ST6GALNAC3: variants seen among roughly 807,000 people sequenced by gnomAD.
ST6GALNAC3 encodes ST6 N-acetylgalactosaminide alpha-2,6-sialyltransferase 3.
In ST6GALNAC3, 25 loss-of-function variants were observed where a neutral mutation model predicts 32.7. The observed-to-expected ratio is 0.76, with a 90% CI of 0.56 to 1.07. The LOEUF (loss-of-function observed/expected upper bound fraction) is 1.07. Ranked by LOEUF, ST6GALNAC3 falls within the 50% of genes least tolerant of loss-of-function variation. ST6GALNAC3 has a pLI of 0.00. For synonymous variants in ST6GALNAC3, 129 were observed against 133.1 expected, an observed-to-expected ratio of 0.97 and a Z score of 0.21; for missense variants, 355 against 382.4, an observed-to-expected ratio of 0.93 and a Z score of 0.60.
chr1:76,522,698 T>G (rs956038437), intron 3 of ST6GALNAC3, among the ~76,000 whole-genome samples: 2 of 152,220 alleles, frequency 1.3e-5, no homozygotes, highest in Non-Finnish European at 2.9e-5. Flanking sequence ...CTCACAGTTC[T>G]TTTTCTTCCA....
chr1:76,094,869 C>T (rs1165560278), intron 1 of ST6GALNAC3, among the ~76,000 whole-genome samples: 2 of 151,962 alleles, frequency 1.3e-5, no homozygotes, highest in Non-Finnish European at 2.9e-5. Flanking sequence ...ACAGATTCCT[C>T]ACCCCCACCC....
intron 3 of ST6GALNAC3, among the ~76,000 whole-genome samples, chr1:76,541,732 A>C (rs1664005165): frequency 6.6e-6 from 1 of 152,214 alleles, no homozygotes; most frequent in African/African-American, 2.4e-5. Flanking sequence ...AATGAAGCAC[A>C]TGCTGTGTGT....
chr1:76,630,493 T>C lies in ST6GALNAC3; in HGVS notation c.*1687T>C. 1.0e-6 allele frequency: 1 copy of C among 985,104 alleles called. No homozygotes were observed. The highest frequency in any genetic ancestry group is 1.2e-6 in the Non-Finnish European group (1 of 829,816). 61.0% of individuals were successfully genotyped at this position (985,104 alleles called of 1,614,324 possible). The stretch of plus-strand genomic sequence containing the variant: ...GTAAAGGGTTGATTTGCTGCAAGAG[T>C]AGCTGAGAATTCAAAAACATCCTTG... On this transcript the variant is annotated 3_prime_UTR_variant, in exon 5 of 5. Coordinates refer to ENST00000328299, the MANE Select transcript of ST6GALNAC3 (RefSeq NM_152996.4).
chr1:76,296,480 TCTC>T (rs889629184), intron 1 of ST6GALNAC3, among the ~76,000 whole-genome samples: 2 of 152,090 alleles, frequency 1.3e-5, no homozygotes, highest in Non-Finnish European at 2.9e-5. Flanking sequence ...CATCGACCCT[TCTC>T]TTCTTCTATT....
rs5775352 is a variant in ST6GALNAC3, at chr1:76,591,181, A to ATG, written c.624-36253_624-36252dup. On this transcript the variant is annotated intron_variant, in intron 3 of 4. Transcript: ENST00000328299. Reference sequence around the variant, plus strand: ...TAAGAGTTAACCAGGCTGTGTGCGTATGTGTGTGTGTGTGTGTGTCTCTGT... The same window carrying ATG: ...TAAGAGTTAACCAGGCTGTGTGCGTATGTGTGTGTGTGTGTGTGTGTCTCTGT... Among the ~76,000 whole-genome samples, 190 of 149,742 alleles carry ATG rather than the reference A, an allele frequency of 1.3e-3. 1 individual carries two copies. Among genetic ancestry groups the ATG allele is most frequent in the East Asian group, 0.012 (62 of 5,060 alleles).
chr1:76,405,509 G>A (rs116567176), intron 2 of ST6GALNAC3, among the ~76,000 whole-genome samples: 1 of 152,000 alleles, frequency 6.6e-6, no homozygotes, highest in Non-Finnish European at 1.5e-5. Flanking sequence ...AGAAAGGGAT[G>A]GTTTTCCCAG....
intron 1 of ST6GALNAC3, among the ~76,000 whole-genome samples, chr1:76,091,033 G>A (rs1178517491): frequency 6.6e-6 from 1 of 152,118 alleles, no homozygotes; most frequent in Non-Finnish European, 1.5e-5. Context: ...ATGTTTATCA[G>A]AAAACTGTAA....
chr1:76,223,070 T>C (rs1018737260), intron 1 of ST6GALNAC3, among the ~76,000 whole-genome samples: 5 of 152,170 alleles, frequency 3.3e-5, no homozygotes, highest in African/African-American at 9.6e-5. Flanking sequence ...TAAATCATTC[T>C]ACCATAAAGA....
chr1:76,357,469 C>T (rs1004633898), intron 2 of ST6GALNAC3, among the ~76,000 whole-genome samples: 8 of 152,256 alleles, frequency 5.3e-5, no homozygotes, highest in African/African-American at 1.9e-4. Context: ...TTCCAATTTC[C>T]TTCCTTGTTG....
At chr1:76,227,450 C>T (rs1232461681) in intron 1 of ST6GALNAC3, among the ~76,000 whole-genome samples, 7 of 152,154 alleles carry the variant, frequency 4.6e-5, no homozygotes, top group Non-Finnish European at 7.4e-5. Flanking sequence ...CACTTGAGGG[C>T]AGGGACTGTA....
chr1:76,134,488 G>A (rs113540651), intron 1 of ST6GALNAC3, among the ~76,000 whole-genome samples: 1 of 152,362 alleles, frequency 6.6e-6, no homozygotes, highest in African/African-American at 2.4e-5. Context: ...TGCTGTGGAG[G>A]GGTGTCACAC....
chr1:76,483,500 T>A (rs948085013), intron 3 of ST6GALNAC3, among the ~76,000 whole-genome samples: 2 of 152,230 alleles, frequency 1.3e-5, no homozygotes, highest in African/African-American at 4.8e-5. Flanking sequence ...TTTTCATGTG[T>A]CTGTTGGCTG....
intron 3 of ST6GALNAC3, among the ~76,000 whole-genome samples, chr1:76,463,490 C>G (rs912112453): frequency 6.6e-6 from 1 of 152,068 alleles, no homozygotes; most frequent in Admixed American, 6.6e-5. Flanking sequence ...AGCTTTTGAT[C>G]GGTTGAGCAG....
chr1:76,345,540 A>T (rs1290120067), intron 2 of ST6GALNAC3, among the ~76,000 whole-genome samples: 2 of 152,186 alleles, frequency 1.3e-5, no homozygotes, highest in Admixed American at 1.3e-4. Flanking sequence ...ACCACAGTAT[A>T]GCAGCTCTAC....
At chr1:76,114,013 T>C (rs940838876) in intron 1 of ST6GALNAC3, among the ~76,000 whole-genome samples, 15 of 147,624 alleles carry the variant, frequency 1.0e-4, no homozygotes, top group Non-Finnish European at 2.1e-4. Flanking sequence ...TTTTTTTTTT[T>C]GGTATTTTTA....
chr1:76,396,882 GT>G (rs1653002866), intron 2 of ST6GALNAC3, among the ~76,000 whole-genome samples: 1 of 152,090 alleles, frequency 6.6e-6, no homozygotes, highest in South Asian at 2.1e-4. Flanking sequence ...ATGTTCTTTA[GT>G]TTGTCTAGTT....
chr1:76,269,237 C>G (rs1268030296), intron 1 of ST6GALNAC3, among the ~76,000 whole-genome samples: 1 of 152,138 alleles, frequency 6.6e-6, no homozygotes, highest in Non-Finnish European at 1.5e-5. Context: ...TGTTGTCAGT[C>G]TTTTCTAAGT....
At chr1:76,104,217 T>G (rs1647367103) in intron 1 of ST6GALNAC3, among the ~76,000 whole-genome samples, 1 of 152,214 alleles carries the variant, frequency 6.6e-6, no homozygotes, top group Non-Finnish European at 1.5e-5. Flanking sequence ...TGAGACAGTA[T>G]ATTCGTACAA....
intron 3 of ST6GALNAC3, among the ~76,000 whole-genome samples, chr1:76,583,972 C>T (rs1485819675): frequency 6.6e-6 from 1 of 151,982 alleles, no homozygotes; most frequent in Non-Finnish European, 1.5e-5. Flanking sequence ...TCCTCACCAC[C>T]ACTCTAATAT....
Sources: allele counts gnomAD v4.1 joint callset (sites outside exome capture counted in the v4.1 genomes callset), GRCh38; gene constraint gnomAD v4.1.1; transcripts MANE v1.5; gene names NCBI Gene and HGNC (gene_info 2026-07-23, HGNC 2026-07-21).